ROBO2: variants seen among roughly 807,000 people sequenced by gnomAD.
ROBO2 encodes the protein roundabout homolog 2.
In ROBO2, 53 loss-of-function variants were observed where a neutral mutation model predicts 160.8. That is an observed-to-expected ratio of 0.33 (90% CI 0.26 to 0.41). The LOEUF (loss-of-function observed/expected upper bound fraction) is 0.41, where lower values mean the gene tolerates loss of function less well. Ranked by LOEUF, ROBO2 falls within the 10% of genes least tolerant of loss-of-function variation. The probability of loss-of-function intolerance (pLI) is 1.00; values close to 1 mark genes in which losing one functional copy is unlikely to be tolerated. For synonymous variants in ROBO2, 664 were observed against 611.7 expected, an observed-to-expected ratio of 1.09 and a Z score of -1.26; for missense variants, 1,577 against 1,722.4, an observed-to-expected ratio of 0.92 and a Z score of 1.49.
At chr3:76,796,829 G>A (rs2063736258) in intron 2 of ROBO2, among the ~76,000 whole-genome samples, 1 of 151,886 alleles carries the variant, frequency 6.6e-6, no homozygotes, top group South Asian at 2.1e-4. Flanking sequence ...TAGACTTCAA[G>A]ATAAAAACTG....
chr3:76,452,297 A>C (rs923807240), intron 2 of ROBO2, among the ~76,000 whole-genome samples: 2 of 152,084 alleles, frequency 1.3e-5, no homozygotes, highest in African/African-American at 2.4e-5. Context: ...ATTTAGCATT[A>C]GGTGTATCTC....
At chr3:77,137,266 G>A (rs530976193) in intron 2 of ROBO2, among the ~76,000 whole-genome samples, 4 of 152,010 alleles carry the variant, frequency 2.6e-5, no homozygotes, top group African/African-American at 7.2e-5. Context: ...TGCTCTTGTT[G>A]CCCAGGCTGG....
chr3:77,004,281 A>G (rs2061472836), intron 2 of ROBO2, among the ~76,000 whole-genome samples: 1 of 152,222 alleles, frequency 6.6e-6, no homozygotes. Context: ...AAATACAGGA[A>G]TAGGCTTTGT....
In ROBO2 at chr3:77,277,137, CTTCCTTCT is replaced by C. The variant is rs879846978; in HGVS notation, c.388+178817_388+178824del. The stretch of plus-strand genomic sequence containing the variant: ...AAATGCACCCTTCCTTCCTTCCTTT[CTTCCTTCT>C]TTCCTTCTTTCCTTCTTTCTTTCTT... On this transcript the variant is annotated intron_variant, in intron 2 of 25. Coordinates refer to ENST00000461745, the Ensembl canonical transcript of ROBO2. Among the ~76,000 whole-genome samples the C allele has an allele frequency of 4.8e-3, 596 of 124,926 alleles. 1 individual carries two copies. The highest frequency in any genetic ancestry group is 6.9e-3 in the Non-Finnish European group (395 of 57,448). The allele number at this position is 124,926 out of a possible 152,430, so 82.0% of individuals were successfully genotyped here.
At chr3:77,489,282 A>AT (rs894371909) in intron 4 of ROBO2, among the ~76,000 whole-genome samples, 5 of 152,140 alleles carry the variant, frequency 3.3e-5, no homozygotes, top group Admixed American at 6.5e-5. Context: ...ATTGAATTAC[A>AT]TTTTTCACCA....
intron 2 of ROBO2, among the ~76,000 whole-genome samples, chr3:76,033,515 C>T (rs1014479726): frequency 3.9e-5 from 6 of 152,178 alleles, no homozygotes; most frequent in African/African-American, 1.4e-4. Flanking sequence ...ATATTTTCTA[C>T]ATGGCATCAT....
At chr3:77,156,593 G>A (rs947520144) in intron 2 of ROBO2, among the ~76,000 whole-genome samples, 8 of 151,830 alleles carry the variant, frequency 5.3e-5, no homozygotes, top group African/African-American at 1.9e-4. Flanking sequence ...GATTTCAGTT[G>A]TGTATGTGAA....
intron 2 of ROBO2, among the ~76,000 whole-genome samples, chr3:77,451,804 C>T (rs748303065): frequency 6.0e-5 from 9 of 150,904 alleles, no homozygotes; most frequent in Non-Finnish European, 1.2e-4. Context: ...TTTAAGTTCT[C>T]GGGTACATGT....
intron 2 of ROBO2, among the ~76,000 whole-genome samples, chr3:76,766,010 T>C (rs923013926): frequency 2.6e-5 from 4 of 151,884 alleles, no homozygotes; most frequent in Non-Finnish European, 5.9e-5. Flanking sequence ...CAATTAATCA[T>C]TTGGTAATTA....
intron 2 of ROBO2, among the ~76,000 whole-genome samples, chr3:76,185,146 A>G (rs1438896592): frequency 1.5e-5 from 2 of 137,076 alleles, no homozygotes; most frequent in East Asian, 2.3e-4. Context: ...TTTTTAATCA[A>G]TGTGCTACAA....
intron 2 of ROBO2, among the ~76,000 whole-genome samples, chr3:77,408,670 T>G (rs2076451939): frequency 6.6e-6 from 1 of 152,136 alleles, no homozygotes; most frequent in African/African-American, 2.4e-5. Flanking sequence ...AAATTTGACT[T>G]TTATTTAGCC....
At chr3:76,678,168 G>A (rs1029721344) in intron 2 of ROBO2, among the ~76,000 whole-genome samples, 8 of 151,406 alleles carry the variant, frequency 5.3e-5, no homozygotes, top group African/African-American at 1.7e-4. Context: ...ACAGGGTTTC[G>A]CCATGTTGGC....
chr3:76,080,670 T>C (rs1284802518), intron 2 of ROBO2, among the ~76,000 whole-genome samples: 2 of 152,172 alleles, frequency 1.3e-5, no homozygotes, highest in Non-Finnish European at 2.9e-5. Context: ...AAATTAGATG[T>C]CAGTCTTTAT....
chr3:77,243,056 T>A (rs1273257256), intron 2 of ROBO2, among the ~76,000 whole-genome samples: 2 of 151,444 alleles, frequency 1.3e-5, no homozygotes, highest in Non-Finnish European at 2.9e-5. Flanking sequence ...AAATATCTTC[T>A]CCAACCTATC....
chr3:76,787,976 A>T (rs1044129369), intron 2 of ROBO2, among the ~76,000 whole-genome samples: 26 of 151,240 alleles, frequency 1.7e-4, no homozygotes, highest in African/African-American at 6.1e-4. Context: ...AGTAAAAATA[A>T]ATCTAATGTT....
At chr3:76,053,517 C>T (rs1212800762) in intron 2 of ROBO2, among the ~76,000 whole-genome samples, 1 of 151,874 alleles carries the variant, frequency 6.6e-6, no homozygotes, top group Non-Finnish European at 1.5e-5. Context: ...TATATTTTAG[C>T]ATTTGGATAC....
At chr3:76,054,158 T>C (rs1012257674) in intron 2 of ROBO2, among the ~76,000 whole-genome samples, 2 of 152,146 alleles carry the variant, frequency 1.3e-5, no homozygotes, top group African/African-American at 4.8e-5. Flanking sequence ...TATATGTAAT[T>C]ACAATAATAA....
intron 2 of ROBO2, among the ~76,000 whole-genome samples, chr3:76,036,117 T>G (rs1259957802): frequency 1.3e-5 from 2 of 151,954 alleles, no homozygotes; most frequent in East Asian, 3.9e-4. Context: ...GATGATGTCG[T>G]GGAATATTGT....
At chr3:77,071,034 A>G (rs374597739) in intron 1 of ROBO2, among the ~76,000 whole-genome samples, 32 of 152,136 alleles carry the variant, frequency 2.1e-4, no homozygotes, top group African/African-American at 6.3e-4. Flanking sequence ...TTACTCATAT[A>G]TTTATATGAG....
Sources: gnomAD v4.1 joint callset for allele counts (sites outside exome capture counted in the v4.1 genomes callset) on GRCh38, gnomAD v4.1.1 for gene constraint, MANE v1.5 for transcripts, NCBI Gene and HGNC (gene_info 2026-07-23, HGNC 2026-07-21) for gene names.